Variants in DLG2 observed in about 807,000 individuals in gnomAD.
DLG2 encodes discs large MAGUK scaffold protein 2.
A neutral mutation model predicts 132.5 loss-of-function variants in DLG2; 45 were observed. The observed-to-expected ratio is 0.34, with a 90% CI of 0.27 to 0.44. The LOEUF is 0.44. DLG2 is among the 20% of genes least tolerant of loss of function. The pLI, the probability that DLG2 is intolerant of heterozygous loss-of-function variation, is 1.00. For synonymous variants in DLG2, 424 were observed against 419.6 expected (o/e 1.01, Z -0.13); for missense variants, 1,045 against 1,196.9 (o/e 0.87, Z 1.87).
At chr11:83,803,936 T>C (rs1265741399) in intron 17 of DLG2, among the ~76,000 whole-genome samples, 3 of 152,132 alleles carry the variant, frequency 2.0e-5, no homozygotes, top group Admixed American at 6.6e-5. Context: ...CATCTGATGT[T>C]TTTTTCATCG....
chr11:85,484,202 C>A (rs1321746865), intron 3 of DLG2, among the ~76,000 whole-genome samples: 1 of 127,630 alleles, frequency 7.8e-6, no homozygotes, highest in Non-Finnish European at 1.7e-5. Flanking sequence ...TTCCCGCCCC[C>A]CGTTCCTCCC....
intron 6 of DLG2, among the ~76,000 whole-genome samples, chr11:84,622,791 G>C (rs1449849772): frequency 1.3e-5 from 2 of 152,146 alleles, no homozygotes; most frequent in East Asian, 3.9e-4. Flanking sequence ...CAAAATGGTA[G>C]ATCAAGACCT....
At chr11:84,307,588 CA>C (rs2098234352) in intron 7 of DLG2, among the ~76,000 whole-genome samples, 1 of 150,896 alleles carries the variant, frequency 6.6e-6, no homozygotes, top group Non-Finnish European at 1.5e-5. Flanking sequence ...CCCAGCTACT[CA>C]GGGCCCTGAG....
intron 6 of DLG2, among the ~76,000 whole-genome samples, chr11:84,602,763 T>A (rs2099578877): frequency 6.6e-6 from 1 of 152,044 alleles, no homozygotes; most frequent in South Asian, 2.1e-4. Flanking sequence ...TTCCTCAATA[T>A]GTTATCAGCT....
At chr11:83,665,522 G>A (rs1235652262) in intron 18 of DLG2, among the ~76,000 whole-genome samples, 1 of 152,190 alleles carries the variant, frequency 6.6e-6, no homozygotes, top group Non-Finnish European at 1.5e-5. Flanking sequence ...CTCTCCCTCT[G>A]CAGGGATGAC....
intron 6 of DLG2, among the ~76,000 whole-genome samples, chr11:84,846,736 T>C (rs2081527897): frequency 6.6e-6 from 1 of 152,154 alleles, no homozygotes; most frequent in Non-Finnish European, 1.5e-5. Context: ...ACTAATGTAA[T>C]GTATCAGAAG....
intron 7 of DLG2, among the ~76,000 whole-genome samples, chr11:84,277,475 C>T (rs117828194): frequency 0.037 from 5,683 of 152,122 alleles, 128 homozygotes; most frequent in South Asian, 0.081. Context: ...TTCCAAATAG[C>T]TCACTGGTTA....
chr11:83,951,952 T>C (rs1448838570), intron 14 of DLG2, among the ~76,000 whole-genome samples: 2 of 152,166 alleles, frequency 1.3e-5, no homozygotes, highest in East Asian at 3.8e-4. Flanking sequence ...AATTTGTTGA[T>C]GGACTGCATA....
chr11:85,600,433 T>C (rs1396874762), intron 2 of DLG2, among the ~76,000 whole-genome samples: 1 of 152,216 alleles, frequency 6.6e-6, no homozygotes, highest in Non-Finnish European at 1.5e-5. Context: ...ACTTAAAAAC[T>C]AGTTCAGATA....
intron 4 of DLG2, among the ~76,000 whole-genome samples, chr11:85,176,818 A>T (rs756503149): frequency 2.0e-5 from 3 of 152,198 alleles, no homozygotes; most frequent in Non-Finnish European, 4.4e-5. Flanking sequence ...GACACTTCTC[A>T]AAAGAAGGCA....
In DLG2 at chr11:84,367,253, C is replaced by A. The variant is rs1043474715; in HGVS notation, c.520-115962G>T. On this transcript the variant is annotated intron_variant, in intron 7 of 27. Transcript: ENST00000376104. Reference sequence around the variant, plus strand: ...AGCAAAGTTTTTCAACAGAGGAGGACAAAATAGTAAATATTTCAGGCTTTG... The same window carrying A: ...AGCAAAGTTTTTCAACAGAGGAGGAAAAAATAGTAAATATTTCAGGCTTTG... 7.9e-5 allele frequency among the ~76,000 whole-genome samples: 12 copies of A among 152,080 alleles called. 1 individual carries two copies. Among genetic ancestry groups the A allele is most frequent in the African/African-American group, 2.9e-4 (12 of 41,424 alleles).
chr11:83,726,064 A>C (rs1470227492), intron 18 of DLG2, among the ~76,000 whole-genome samples: 1 of 152,176 alleles, frequency 6.6e-6, no homozygotes, highest in Non-Finnish European at 1.5e-5. Context: ...GGAGTCAATC[A>C]AGCTCACCTG....
chr11:85,360,031 G>A (rs2084023050), intron 3 of DLG2, among the ~76,000 whole-genome samples: 1 of 152,110 alleles, frequency 6.6e-6, no homozygotes, highest in African/African-American at 2.4e-5. Flanking sequence ...CATACTCAGG[G>A]CGTGTGCTGA....
At chr11:84,940,907 T>C (rs910187986) in intron 6 of DLG2, among the ~76,000 whole-genome samples, 4 of 152,212 alleles carry the variant, frequency 2.6e-5, no homozygotes, top group African/African-American at 9.6e-5. Flanking sequence ...CTTTTGTATA[T>C]AGTAAGAGAT....
intron 6 of DLG2, among the ~76,000 whole-genome samples, chr11:84,567,716 C>G (rs908343776): frequency 6.6e-6 from 1 of 152,134 alleles, no homozygotes; most frequent in African/African-American, 2.4e-5. Context: ...AGGAAAAGGT[C>G]AATAATTATG....
chr11:84,520,515 T>C (rs928335963), intron 7 of DLG2, among the ~76,000 whole-genome samples: 10 of 152,174 alleles, frequency 6.6e-5, no homozygotes, highest in African/African-American at 1.2e-4. Context: ...TAAAATTACA[T>C]TGGTTGTTTG....
intron 10 of DLG2, 88 bp from the exon 11 acceptor site, chr11:84,059,572 G>A: frequency 1.9e-6 from 2 of 1,041,746 alleles, no homozygotes; most frequent in South Asian, 2.3e-5. Context: ...CTTAAGAAGT[G>A]GGAAAGTAAA....
intron 6 of DLG2, among the ~76,000 whole-genome samples, chr11:85,020,229 C>G (rs1333494542): frequency 6.6e-6 from 1 of 152,176 alleles, no homozygotes; most frequent in Non-Finnish European, 1.5e-5. Context: ...TAATGATGAG[C>G]ATTTTTTCAT....
intron 3 of DLG2, among the ~76,000 whole-genome samples, chr11:85,498,965 C>G (rs1438054041): frequency 6.6e-6 from 1 of 152,100 alleles, no homozygotes; most frequent in East Asian, 1.9e-4. Context: ...ATTTATAGCA[C>G]TAAATGCCCA....
Sources: gnomAD v4.1 joint callset for allele counts (sites outside exome capture counted in the v4.1 genomes callset) on GRCh38, gnomAD v4.1.1 for gene constraint, MANE v1.5 for transcripts, NCBI Gene and HGNC (gene_info 2026-07-23, HGNC 2026-07-21) for gene names.